The following SLC7A5 variants were observed in gnomAD, a reference collection of about 807,000 sequenced individuals.
The protein encoded by SLC7A5 is large neutral amino acids transporter small subunit 1.
A neutral mutation model predicts 50.2 loss-of-function variants in SLC7A5; 23 were observed. The ratio of observed to expected loss-of-function variants is 0.46; its 90% CI spans 0.33 to 0.65. The LOEUF is 0.65. Ranked by LOEUF, SLC7A5 falls within the 30% of genes least tolerant of loss-of-function variation. SLC7A5 has a pLI of 0.02. For missense variants in SLC7A5, 578 were observed against 684.4 expected, an observed-to-expected ratio of 0.84 and a Z score of 1.73; for synonymous variants, 393 against 330.6, an observed-to-expected ratio of 1.19 and a Z score of -2.05.
At position 87,853,228 on chromosome 16, in the gene SLC7A5, C is replaced by T. The variant is rs77295914; in HGVS notation, c.539-1379G>A. ...AATCTTACAATGTAAGCAACAGACC[C>T]CGAGGAAAGACATCCATGCTAATTA... On this transcript the variant is annotated intron_variant, in intron 1 of 9. Coordinates refer to ENST00000261622, the MANE Select transcript of SLC7A5 (RefSeq NM_003486.7). This position sits in a 1 kb window ranked among gnomAD's most constrained non-coding sequence, Gnocchi z 4.4. Among the ~76,000 whole-genome samples the T allele has an allele frequency of 0.035, 5,301 of 152,272 alleles. 291 individuals are homozygous for T. Among genetic ancestry groups the T allele is most frequent in the African/African-American group, 0.12 (4,892 of 41,524 alleles).
In SLC7A5 at chr16:87,860,379, CACACACACACACACACACACAT is replaced by C. The variant is rs1241663223; in HGVS notation, c.538+8484_538+8505del. Among the ~76,000 whole-genome samples the C allele has an allele frequency of 1.6e-4, 24 of 146,556 alleles. No individual in the cohort carries two copies. The highest frequency in any genetic ancestry group is 4.7e-4 in the African/African-American group (18 of 38,226). ...ACACACACACACACACACACACACACACACACACACACACACACACATATATATATAAAGAAAAAGGAAATCT... is the reference window on the plus strand; with the variant it reads ...ACACACACACACACACACACACACACATATATATAAAGAAAAAGGAAATCT... On this transcript the variant is annotated intron_variant, in intron 1 of 9. Coordinates refer to ENST00000261622, the MANE Select transcript of SLC7A5 (RefSeq NM_003486.7). This position sits in a 1 kb window ranked among gnomAD's most constrained non-coding sequence, Gnocchi z 4.8.
intron 2 of SLC7A5, among the ~76,000 whole-genome samples, chr16:87,845,274 C>CTG (rs2055137210): frequency 6.6e-6 from 1 of 152,232 alleles, no homozygotes; most frequent in Non-Finnish European, 1.5e-5. Flanking sequence ...GCCGAGTGCA[C>CTG]AGCCAATGGC....
At position 87,854,352 on chromosome 16, in the gene SLC7A5, G is replaced by C. The variant is rs142540547; in HGVS notation, c.539-2503C>G. On this transcript the variant is annotated intron_variant, in intron 1 of 9. Transcript: ENST00000261622. ...TGACTTTGGGTGATGAGTAAACAAA[G>C]GTTTCATTATTCTCCACAGTGTCCT... Among the ~76,000 whole-genome samples the C allele has an allele frequency of 2.4e-3, 368 of 152,270 alleles. 3 individuals are homozygous for C. Among genetic ancestry groups the C allele is most frequent in the Middle Eastern group, 6.8e-3 (2 of 294 alleles).
chr16:87,841,335 A>T lies in SLC7A5; in HGVS notation c.665-180T>A, dbSNP rs909754134. The stretch of plus-strand genomic sequence containing the variant: ...ACATGGAGGGTGCAGGGTTCCAACC[A>T]CAACCAGGGGGATGTGGCCCTGCCA... On this transcript the variant is annotated intron_variant, in intron 2 of 9. Transcript: ENST00000261622. This position sits in a 1 kb window ranked among gnomAD's most constrained non-coding sequence, Gnocchi z 4.8. 6.6e-6 allele frequency among the ~76,000 whole-genome samples: 1 copy of T among 152,166 alleles called. No individual in the cohort carries two copies. Among genetic ancestry groups the T allele is most frequent in the African/African-American group, 2.4e-5 (1 of 41,452 alleles).
chr16:87,840,552 G>A, intron 3 of SLC7A5, 79 bp from the exon 4 acceptor site: 2 of 1,268,526 alleles, frequency 1.6e-6, no homozygotes, highest in African/African-American at 1.5e-5. Context: ...GCATCCCAGG[G>A]CAGCTGGTGA....
chr16:87,856,070 C>A (rs887734798), intron 1 of SLC7A5, among the ~76,000 whole-genome samples: 1 of 152,196 alleles, frequency 6.6e-6, no homozygotes, highest in Non-Finnish European at 1.5e-5. Flanking sequence ...CGGGCCCCTT[C>A]GAGCCCAAAC....
chr16:87,845,043 C>G (rs905589886), intron 2 of SLC7A5, among the ~76,000 whole-genome samples: 1 of 152,192 alleles, frequency 6.6e-6, no homozygotes, highest in African/African-American at 2.4e-5. Flanking sequence ...TGCCTGGAGC[C>G]ACGGGCAGCT....
rs775652803 is a variant in SLC7A5 at position 87,837,802 on chromosome 16, A to G, written c.1140+43T>C. 20 of 1,516,490 alleles carry G rather than the reference A, an allele frequency of 1.3e-5. No homozygotes were observed. In the East Asian group the frequency reaches 3.7e-4, roughly 28 times the overall value. 93.9% of individuals were successfully genotyped at this position (1,516,490 alleles called of 1,614,324 possible). On this transcript the variant is annotated intron_variant, in intron 7 of 9. Coordinates refer to ENST00000261622, the MANE Select transcript of SLC7A5 (RefSeq NM_003486.7). ...AGCCTCCCTCTGGGAGCCCCCGGAC[A>G]ACCCCCAGGGATGTAGGGCACAGGG...
chr16:87,868,274 C>A (rs1484600737), intron 1 of SLC7A5, among the ~76,000 whole-genome samples: 2 of 152,198 alleles, frequency 1.3e-5, no homozygotes, highest in East Asian at 3.8e-4. Flanking sequence ...CCATTCACTG[C>A]AACACAGACT....
rs140198654 is a variant in SLC7A5 at position 87,853,554 on chromosome 16, C to G, written c.539-1705G>C. Among the ~76,000 whole-genome samples, 658 of 152,330 alleles carry G rather than the reference C, an allele frequency of 4.3e-3. 12 individuals carry two copies. The highest frequency in any genetic ancestry group is 6.4e-3 in the Non-Finnish European group (434 of 68,032). ...GTCCAGAGCTCTCCAGTCCAACCCT[C>G]AGGGCTCAGCAGGGTCAGGTCAGTG... On this transcript the variant is annotated intron_variant, in intron 1 of 9. Transcript: ENST00000261622. This position sits in a 1 kb window ranked among gnomAD's most constrained non-coding sequence, Gnocchi z 4.4.
Position 87,849,156 on chromosome 16 carries a change from T to G in SLC7A5, c.664+2568A>C, listed in dbSNP as rs570860869. ...CAAAATTGAGGCCGGAGTCTCTGCC[T>G]TGAAGTATCTGGGGGCGCTGCTGCC... On this transcript the variant is annotated intron_variant, in intron 2 of 9. Transcript: ENST00000261622. Among the ~76,000 whole-genome samples the G allele has an allele frequency of 3.9e-5, 6 of 152,324 alleles. No individual in the cohort carries two copies. In the East Asian group the frequency reaches 9.7e-4, roughly 25 times the overall value.
rs74039990 is a variant in SLC7A5, at chr16:87,867,553, C to T, written c.538+1332G>A. On this transcript the variant is annotated intron_variant, in intron 1 of 9. Coordinates refer to ENST00000261622, the MANE Select transcript of SLC7A5 (RefSeq NM_003486.7). ...TCTCACATTTATGAAGAAATGCCTCCCCCTCCCCCTCCCCCCCAAAGTACG... is the reference window on the plus strand; with the variant it reads ...TCTCACATTTATGAAGAAATGCCTCTCCCTCCCCCTCCCCCCCAAAGTACG... Among the ~76,000 whole-genome samples the T allele has an allele frequency of 7.4e-3, 1,123 of 152,052 alleles. 11 individuals are homozygous for T. Among genetic ancestry groups the T allele is most frequent in the Middle Eastern group, 0.027 (8 of 294 alleles).
rs562908712 is a variant in SLC7A5 at position 87,859,977 on chromosome 16, C to G, written c.539-8128G>C. Among the ~76,000 whole-genome samples the G allele has an allele frequency of 5.3e-4, 80 of 151,990 alleles. No homozygotes were observed. In the South Asian group the frequency reaches 0.011, roughly 20 times the overall value. On this transcript the variant is annotated intron_variant, in intron 1 of 9. Coordinates refer to ENST00000261622, the MANE Select transcript of SLC7A5 (RefSeq NM_003486.7). ...CGTCTCCACAACCTCCTGTCTTACC[C>G]AGATACTCCTTTCTATTGATACCAG...
At chr16:87,840,967 G>A (rs2055076106) in intron 3 of SLC7A5, 83 bp downstream of exon 3, 8 of 958,754 alleles carry the variant, frequency 8.3e-6, no homozygotes, top group Non-Finnish European at 1.4e-5. Context: ...ACTGCCCCTT[G>A]ATGGCTGGGA....
At chr16:87,867,582 T>C (rs1287716395) in intron 1 of SLC7A5, among the ~76,000 whole-genome samples, 1 of 146,552 alleles carries the variant, frequency 6.8e-6, no homozygotes, top group African/African-American at 2.5e-5. Flanking sequence ...AAGTACGGTG[T>C]GGCAGAAAAC....
In SLC7A5 at chr16:87,838,057, G is replaced by C. The variant is rs537654359; in HGVS notation, c.1044-116C>G. 4 of 818,480 alleles carry C rather than the reference G, an allele frequency of 4.9e-6. No individual in the cohort carries two copies. The Admixed American group carries it at 8.0e-5, about 16-fold the overall frequency. 50.7% of individuals were successfully genotyped at this position (818,480 alleles called of 1,614,324 possible). On this transcript the variant is annotated intron_variant, in intron 6 of 9. Transcript: ENST00000261622. ...GTGCCTGGCTTGTCTGGGCCTCTCT[G>C]GCCACAGTGGGAACCAGGCCCCTCC...
chr16:87,868,638 C>T (rs1246457676), intron 1 of SLC7A5, among the ~76,000 whole-genome samples: 1 of 152,164 alleles, frequency 6.6e-6, no homozygotes, highest in Admixed American at 6.5e-5. Flanking sequence ...GAATGCCCAC[C>T]GAAGGGCAGG....
chr16:87,851,975 C>T, intron 1 of SLC7A5, 126 bp from the exon 2 acceptor site: 6 of 1,096,048 alleles, frequency 5.5e-6, no homozygotes, highest in Non-Finnish European at 8.1e-6. Flanking sequence ...GCTCCTTAAA[C>T]AGCTCCAGTC....
At chr16:87,851,997 CT>C in intron 1 of SLC7A5, 148 bp from the exon 2 acceptor site, 2 of 893,814 alleles carry the variant, frequency 2.2e-6, no homozygotes, top group Non-Finnish European at 3.5e-6. Context: ...CCTGCCAGCC[CT>C]TAGGGCACGT....
Sources: allele counts gnomAD v4.1 joint callset (sites outside exome capture counted in the v4.1 genomes callset), GRCh38; gene constraint gnomAD v4.1.1; non-coding constraint Gnocchi (gnomAD v3.1); transcripts MANE v1.5; gene names NCBI Gene and HGNC (gene_info 2026-07-23, HGNC 2026-07-21).